Variants in GMEB1 observed in about 807,000 individuals in gnomAD.
GMEB1 encodes glucocorticoid modulatory element binding protein 1, also known as glucocorticoid modulatory element-binding protein 1.
A neutral mutation model predicts 52.4 loss-of-function variants in GMEB1; 6 were observed. That is an observed-to-expected ratio of 0.11 (90% CI 0.06 to 0.23). GMEB1 has a LOEUF of 0.23. Ranked by LOEUF, GMEB1 falls within the 10% of genes least tolerant of loss-of-function variation. GMEB1 has a pLI of 1.00. For missense variants in GMEB1, 486 were observed against 685.6 expected, an observed-to-expected ratio of 0.71 and a Z score of 3.25; for synonymous variants, 255 against 244.9, an observed-to-expected ratio of 1.04 and a Z score of -0.38.
intron 7 of GMEB1, among the ~76,000 whole-genome samples, chr1:28,703,186 A>G (rs1350843564): frequency 6.6e-6 from 1 of 152,092 alleles, no homozygotes; most frequent in Non-Finnish European, 1.5e-5. Context: ...TAGATAGACT[A>G]AGTTTTGAGA....
intron 8 of GMEB1, among the ~76,000 whole-genome samples, chr1:28,709,768 A>G (rs1039048034): frequency 2.6e-5 from 4 of 151,870 alleles, no homozygotes; most frequent in African/African-American, 7.3e-5. Context: ...TTTATTTATG[A>G]TTATTATTAT....
At chr1:28,704,069 A>G (rs1670636748) in intron 7 of GMEB1, 123 bp from the exon 8 acceptor site, 1 of 917,614 alleles carries the variant, frequency 1.1e-6, no homozygotes, top group Non-Finnish European at 1.6e-6. Flanking sequence ...CCCTTTTTTC[A>G]GGAATGGCCC....
At chr1:28,706,976 G>GTTT (rs1553139500) in intron 8 of GMEB1, among the ~76,000 whole-genome samples, 45 of 101,358 alleles carry the variant, frequency 4.4e-4, no homozygotes, top group African/African-American at 1.5e-3. Context: ...CTCCAGATTT[G>GTTT]GTTTTTTTTT....
rs1248371653 is a variant in GMEB1 at position 28,685,512 on chromosome 1, CATA to C, written c.128+1775_128+1777del. 2.0e-5 allele frequency among the ~76,000 whole-genome samples: 3 copies of C among 152,272 alleles called. No homozygotes were observed. The East Asian group carries it at 5.8e-4, about 29-fold the overall frequency. On this transcript the variant is annotated intron_variant, in intron 2 of 9. Coordinates refer to ENST00000373816, the MANE Select transcript of GMEB1 (RefSeq NM_001319674.2). The stretch of plus-strand genomic sequence containing the variant: ...GACTTACCTTTTAAGCTCTAGTAAA[CATA>C]ATGATGATTCGTAGGGAATGTCAAT...
intron 6 of GMEB1, among the ~76,000 whole-genome samples, chr1:28,700,890 T>C (rs1670470520): frequency 6.6e-6 from 1 of 152,082 alleles, no homozygotes; most frequent in Non-Finnish European, 1.5e-5. Flanking sequence ...TTGAACAATA[T>C]GGGTTTGATT....
At chr1:28,701,560 G>A (rs1447800768) in intron 6 of GMEB1, among the ~76,000 whole-genome samples, 4 of 152,116 alleles carry the variant, frequency 2.6e-5, no homozygotes, top group Admixed American at 6.6e-5. Flanking sequence ...GAGCCACTGC[G>A]CCTGGCCAAA....
Position 28,683,578 on chromosome 1 carries a change from G to C in GMEB1, c.-30-5G>C. The C allele has an allele frequency of 6.3e-7, 1 of 1,578,392 alleles. No homozygotes were observed. The highest frequency in any genetic ancestry group is 1.2e-5 in the South Asian group (1 of 86,138). ...TAAGTTATTGGTGCTTCTTGTTCCC[G>C]ACAGCAGTCCCAGCTATCTGACTTC... On this transcript the variant is annotated splice_polypyrimidine_tract_variant and splice_region_variant and intron_variant, in intron 1 of 9. Coordinates refer to ENST00000373816, the MANE Select transcript of GMEB1 (RefSeq NM_001319674.2).
rs1212278180 is a variant in GMEB1 at position 28,687,124 on chromosome 1, C to CA, written c.129-2980_129-2979insA. Among the ~76,000 whole-genome samples the CA allele has an allele frequency of 7.6e-4, 115 of 151,468 alleles. No individual in the cohort carries two copies. The East Asian group carries it at 0.011, about 14-fold the overall frequency. Reference sequence around the variant, plus strand: ...GCAGAGGCAGGAGGATCACTTGAGTCCAGGAGTTCAAGGCCAGCCTGAGCC... The same window carrying CA: ...GCAGAGGCAGGAGGATCACTTGAGTCACAGGAGTTCAAGGCCAGCCTGAGCC... On this transcript the variant is annotated intron_variant, in intron 2 of 9. Coordinates refer to ENST00000373816, the MANE Select transcript of GMEB1 (RefSeq NM_001319674.2).
rs189860111 is a variant in GMEB1 at position 28,678,248 on chromosome 1, A to G, written c.-30-5335A>G. Among the ~76,000 whole-genome samples the G allele has an allele frequency of 1.2e-3, 186 of 151,778 alleles. 5 individuals carry two copies. The East Asian group carries it at 0.035, about 29-fold the overall frequency. ...AAGCTCCCCTTACAGAGACAGAGGG[A>G]AGGGGGCTCCAAAGCCAAGAGAGGA... is the stretch of plus-strand genomic sequence containing the variant. On this transcript the variant is annotated intron_variant, in intron 1 of 9. Transcript: ENST00000373816.
At chr1:28,711,300 GA>G (rs5773216) in intron 9 of GMEB1, among the ~76,000 whole-genome samples, 3 of 146,756 alleles carry the variant, frequency 2.0e-5, no homozygotes, top group Non-Finnish European at 4.5e-5. Flanking sequence ...AAAAAAAAAA[GA>G]AAAAAAAACC....
At chr1:28,683,421 C>G in intron 1 of GMEB1, 162 bp from the exon 2 acceptor site, 1 of 518,154 alleles carries the variant, frequency 1.9e-6, no homozygotes, top group South Asian at 2.5e-5. Context: ...AGACAGATTT[C>G]TCCATGTTGG....
At chr1:28,679,126 C>T (rs1320470895) in intron 1 of GMEB1, among the ~76,000 whole-genome samples, 3 of 151,582 alleles carry the variant, frequency 2.0e-5, no homozygotes, top group Non-Finnish European at 2.9e-5. Flanking sequence ...TCTCGTGATC[C>T]GCCCGTCTCG....
At chr1:28,701,015 A>G (rs1670482946) in intron 6 of GMEB1, among the ~76,000 whole-genome samples, 1 of 151,960 alleles carries the variant, frequency 6.6e-6, no homozygotes, top group South Asian at 2.1e-4. Context: ...TACTTTTTGT[A>G]TATATGGGTT....
In GMEB1 at chr1:28,717,152, G is replaced by A. The variant is rs1671295242; in HGVS notation, c.*2379G>A. 6.6e-6 allele frequency: 1 copy of A among 150,446 alleles called. No homozygotes were observed. Among genetic ancestry groups the A allele is most frequent in the Non-Finnish European group, 1.5e-5 (1 of 67,748 alleles). 9.3% of individuals were successfully genotyped at this position (150,446 alleles called of 1,614,324 possible). On this transcript the variant is annotated 3_prime_UTR_variant, in exon 10 of 10. Transcript: ENST00000373816. The stretch of plus-strand genomic sequence containing the variant: ...TCCATCCCTCAGATGGCTGTATGTA[G>A]TCAAAGAAACCCTGTAACATGGTAA...
In GMEB1 at chr1:28,690,203, G is replaced by GGTTTTTTTTTTTT. The variant is rs879212606; in HGVS notation, c.211+17_211+18insGTTTTTTTTTTTT. ...AAGGGATTGGTAAGGGTTTTTTTGT[G>GGTTTTTTTTTTTT]TTTTTTTTTTTTTTTTTTTTTGTCA... On this transcript the variant is annotated intron_variant, in intron 3 of 9. Transcript: ENST00000373816. The GGTTTTTTTTTTTT allele has an allele frequency of 1.9e-4, 100 of 515,992 alleles. No individual in the cohort carries two copies. Among genetic ancestry groups the GGTTTTTTTTTTTT allele is most frequent in the Middle Eastern group, 7.6e-4 (2 of 2,648 alleles). The allele number at this position is 515,992 out of a possible 1,614,324, so 32.0% of individuals were successfully genotyped here.
Position 28,672,384 on chromosome 1 carries a change from A to AT in GMEB1, c.-31+3557dup, listed in dbSNP as rs947134012. Among the ~76,000 whole-genome samples the AT allele has an allele frequency of 1.7e-3, 241 of 139,972 alleles. 2 individuals carry two copies. The highest frequency in any genetic ancestry group is 2.6e-3 in the Admixed American group (36 of 13,914). 91.8% of individuals were successfully genotyped at this position (139,972 alleles called of 152,430 possible). A position where few individuals can be genotyped will look rare whatever the true frequency, so the allele number is the denominator to read the frequency against. On this transcript the variant is annotated intron_variant, in intron 1 of 9. Coordinates refer to ENST00000373816, the MANE Select transcript of GMEB1 (RefSeq NM_001319674.2). ...ACTCTCCCGCCACCACTCCCAGCTA[A>AT]TTTTTTTTTTTTGTATTTTTTGTAG... is the stretch of plus-strand genomic sequence containing the variant.
chr1:28,703,670 A>T (rs2124560278), intron 7 of GMEB1, among the ~76,000 whole-genome samples: 1 of 152,208 alleles, frequency 6.6e-6, no homozygotes, highest in East Asian at 1.9e-4. Context: ...TCAGAAAAAA[A>T]ATAAAAATAA....
chr1:28,677,134 A>C (rs1287330437), intron 1 of GMEB1, among the ~76,000 whole-genome samples: 1 of 152,172 alleles, frequency 6.6e-6, no homozygotes, highest in Non-Finnish European at 1.5e-5. Context: ...TTGTGTTTAG[A>C]CTTGTGTCCT....
chr1:28,692,486 G>C (rs1670014546), intron 4 of GMEB1, among the ~76,000 whole-genome samples: 1 of 151,564 alleles, frequency 6.6e-6, no homozygotes, highest in Admixed American at 6.6e-5. Flanking sequence ...AGTTGAGATT[G>C]CGCTGTTGCA....
Sources: gnomAD v4.1 joint callset for allele counts (sites outside exome capture counted in the v4.1 genomes callset) on GRCh38, gnomAD v4.1.1 for gene constraint, MANE v1.5 for transcripts, NCBI Gene and HGNC (gene_info 2026-07-23, HGNC 2026-07-21) for gene names.